The following SLC35D1 variants were observed in gnomAD, a reference collection of about 807,000 sequenced individuals.
SLC35D1 encodes nucleotide sugar transporter SLC35D1.
Under a neutral mutation model 46.7 loss-of-function variants are expected in SLC35D1, and 31 were observed. That is an observed-to-expected ratio of 0.66 (90% CI 0.50 to 0.90). The LOEUF (loss-of-function observed/expected upper bound fraction) is 0.90. Ranked by LOEUF, SLC35D1 falls within the 40% of genes least tolerant of loss-of-function variation. The pLI, the probability that SLC35D1 is intolerant of heterozygous loss-of-function variation, is 0.00. For synonymous variants in SLC35D1, 195 were observed against 164.6 expected, an observed-to-expected ratio of 1.18 and a Z score of -1.41; for missense variants, 397 against 426.2, an observed-to-expected ratio of 0.93 and a Z score of 0.60.
At chr1:67,007,101 C>T (rs1667465849) in intron 11 of SLC35D1, among the ~76,000 whole-genome samples, 1 of 152,186 alleles carries the variant, frequency 6.6e-6, no homozygotes, top group African/African-American at 2.4e-5. Flanking sequence ...TCAGCCCTGA[C>T]ACTCAGAACC....
rs1158939640 is a variant in SLC35D1 at position 67,009,177 on chromosome 1, A to C, written c.877-10T>G. ...AAGTTATTAATATATTCTAAAAATA[A>C]AAATAGTAATATACTGTTATATAGG... is the stretch of plus-strand genomic sequence containing the variant. On this transcript the variant is annotated splice_polypyrimidine_tract_variant and intron_variant, in intron 10 of 11. Transcript: ENST00000235345. The C allele has an allele frequency of 1.8e-6, 2 of 1,091,710 alleles. No individual in the cohort carries two copies. Among genetic ancestry groups the C allele is most frequent in the East Asian group, 5.4e-5 (2 of 37,358 alleles). 67.6% of individuals were successfully genotyped at this position (1,091,710 alleles called of 1,614,324 possible). A position where few individuals can be genotyped will look rare whatever the true frequency, so the allele number is the denominator to read the frequency against.
chr1:66,981,612 G>C, the SLC35D1 span, among the ~76,000 whole-genome samples: 1 of 152,094 alleles, frequency 6.6e-6, no homozygotes, highest in African/African-American at 2.4e-5. Context: ...TAACCAAAAG[G>C]AGCTTTTCAT....
chr1:66,975,184 A>G, the SLC35D1 span, among the ~76,000 whole-genome samples: 2 of 152,318 alleles, frequency 1.3e-5, no homozygotes, highest in African/African-American at 4.8e-5. Flanking sequence ...TTTATGGGAT[A>G]AAGAAGTATA....
At chr1:66,997,516 A>AT (rs1457827553), downstream of SLC35D1, among the ~76,000 whole-genome samples, 2,246 of 61,416 alleles carry the variant, frequency 0.037, 18 homozygotes, top group Non-Finnish European at 0.052. Flanking sequence ...AAAAAAAAAA[A>AT]AAAATATATA....
At chr1:67,011,561 C>T (rs1161730951) in intron 10 of SLC35D1, among the ~76,000 whole-genome samples, 1 of 152,216 alleles carries the variant, frequency 6.6e-6, no homozygotes, top group Non-Finnish European at 1.5e-5. Flanking sequence ...CAGCTCACTG[C>T]AATCCCTGCC....
intron 10 of SLC35D1, among the ~76,000 whole-genome samples, chr1:67,020,036 C>G (rs956250572): frequency 6.6e-6 from 1 of 152,162 alleles, no homozygotes; most frequent in Non-Finnish European, 1.5e-5. Context: ...GAGAACACAG[C>G]AGTTCTCATT....
chr1:66,990,849 C>T, the SLC35D1 span, among the ~76,000 whole-genome samples: 1 of 152,156 alleles, frequency 6.6e-6, no homozygotes, highest in Non-Finnish European at 1.5e-5. Flanking sequence ...ACTATTTCCC[C>T]CTCCGACAGT....
At chr1:67,021,718 GACACAGACACAC>G (rs1267290720) in intron 8 of SLC35D1, 116 bp from the exon 9 acceptor site, 91 of 450,000 alleles carry the variant, frequency 2.0e-4, no homozygotes, top group African/African-American at 5.8e-4. Flanking sequence ...CACAGACACA[GACACAGACACAC>G]ACACACACAC....
chr1:67,029,039 G>C (rs183517358), intron 8 of SLC35D1, among the ~76,000 whole-genome samples: 5 of 152,220 alleles, frequency 3.3e-5, no homozygotes, highest in African/African-American at 1.2e-4. Context: ...AACCCTGTCC[G>C]TGTTATTCCA....
chr1:67,049,893 CCA>C (rs753209197), intron 5 of SLC35D1, 43 bp from the exon 6 acceptor site: 2 of 1,402,668 alleles, frequency 1.4e-6, no homozygotes, highest in Admixed American at 1.7e-5. Flanking sequence ...GACTTTATTC[CCA>C]CACTCATTTT....
intron 8 of SLC35D1, among the ~76,000 whole-genome samples, chr1:67,025,738 A>C (rs2102295612): frequency 6.6e-6 from 1 of 152,290 alleles, no homozygotes; most frequent in East Asian, 1.9e-4. Flanking sequence ...TTATCTCACT[A>C]GTGTTTTGTA....
intron 7 of SLC35D1, among the ~76,000 whole-genome samples, chr1:67,043,763 C>G (rs1215831193): frequency 6.6e-6 from 1 of 152,236 alleles, no homozygotes; most frequent in African/African-American, 2.4e-5. Context: ...TAGGGAGCAA[C>G]AAAGGATAAC....
chr1:67,014,670 G>GTTTTTTTTTTTTTTTTTTTTTTTT (rs34459732), intron 10 of SLC35D1, among the ~76,000 whole-genome samples: 2 of 99,988 alleles, frequency 2.0e-5, no homozygotes, highest in Non-Finnish European at 3.7e-5. Context: ...TCAATTTTTA[G>GTTTTTTTTTTTTTTTTTTTTTTTT]TTTTTTTTTT....
intron 8 of SLC35D1, among the ~76,000 whole-genome samples, chr1:67,032,541 C>T (rs1272864383): frequency 2.0e-5 from 3 of 151,860 alleles, no homozygotes; most frequent in Non-Finnish European, 2.9e-5. Context: ...ATTAGCTGGG[C>T]GTGGTGGCGT....
intron 8 of SLC35D1, among the ~76,000 whole-genome samples, chr1:67,022,243 A>AGTT (rs138210844): frequency 0.039 from 5,980 of 152,314 alleles, 147 homozygotes; most frequent in Non-Finnish European, 0.054. Flanking sequence ...TCAAGTACCT[A>AGTT]GTTGTTTTTG....
chr1:67,029,431 C>A (rs1420050810), intron 8 of SLC35D1, among the ~76,000 whole-genome samples: 1 of 152,204 alleles, frequency 6.6e-6, no homozygotes, highest in Non-Finnish European at 1.5e-5. Flanking sequence ...GTAAACACAA[C>A]CTCCTCTCTG....
At chr1:67,027,436 C>CT (rs1388036946) in intron 8 of SLC35D1, among the ~76,000 whole-genome samples, 1 of 151,592 alleles carries the variant, frequency 6.6e-6, no homozygotes, top group East Asian at 1.9e-4. Context: ...TTCTAGTTTC[C>CT]TTTTTTTATT....
intron 6 of SLC35D1, 108 bp from the exon 7 acceptor site, chr1:67,047,475 G>A: frequency 1.0e-6 from 1 of 961,754 alleles, no homozygotes; most frequent in South Asian, 1.4e-5. Context: ...CTAGGGAAGT[G>A]AATATTAGGC....
At chr1:67,013,055 A>T (rs1313356098) in intron 10 of SLC35D1, among the ~76,000 whole-genome samples, 1 of 149,448 alleles carries the variant, frequency 6.7e-6, no homozygotes, top group African/African-American at 2.5e-5. Flanking sequence ...AATAGATTTT[A>T]AAAGATTTTT....
Sources: gnomAD v4.1 joint callset for allele counts (sites outside exome capture counted in the v4.1 genomes callset) on GRCh38, gnomAD v4.1.1 for gene constraint, MANE v1.5 for transcripts, NCBI Gene and HGNC (gene_info 2026-07-23, HGNC 2026-07-21) for gene names.